GRIA2: variants seen among roughly 807,000 people sequenced by gnomAD.
The protein encoded by GRIA2 is glutamate ionotropic receptor AMPA type subunit 2, also known as glutamate receptor 2.
A neutral mutation model predicts 97.3 loss-of-function variants in GRIA2; 14 were observed. The ratio of observed to expected loss-of-function variants is 0.14; its 90% confidence interval spans 0.10 to 0.23. The LOEUF (loss-of-function observed/expected upper bound fraction) is 0.23, where lower values mean the gene tolerates loss of function less well. GRIA2 is among the 10% of genes least tolerant of loss of function. The pLI, the probability that GRIA2 is intolerant of heterozygous loss-of-function variation, is 1.00. For missense variants in GRIA2, 558 were observed against 1,069.8 expected (o/e 0.52, Z 6.67); for synonymous variants, 412 against 387.8 (o/e 1.06, Z -0.73).
At chr4:157,332,676 G>T in intron 6 of GRIA2, 143 bp from the exon 7 acceptor site, 1 of 588,346 alleles carries the variant, frequency 1.7e-6, no homozygotes, top group East Asian at 2.8e-5. Context: ...TCGATTCTTA[G>T]GTTTCTAGAT....
At chr4:157,255,040 A>T (rs962943653) in intron 2 of GRIA2, among the ~76,000 whole-genome samples, 2 of 152,006 alleles carry the variant, frequency 1.3e-5, no homozygotes, top group East Asian at 3.9e-4. Flanking sequence ...AATAGTGTAC[A>T]TTGTACCTAA....
chr4:157,226,450 C>T (rs940896622), intron 2 of GRIA2, among the ~76,000 whole-genome samples: 1 of 151,982 alleles, frequency 6.6e-6, no homozygotes, highest in Non-Finnish European at 1.5e-5. Context: ...AAGATAAAGA[C>T]TGTTAGAATA....
At chr4:157,307,144 T>C (rs1044210168) in intron 3 of GRIA2, among the ~76,000 whole-genome samples, 3 of 152,198 alleles carry the variant, frequency 2.0e-5, no homozygotes, top group Non-Finnish European at 4.4e-5. Context: ...TGGAATAGCA[T>C]AGGGTCCAAA....
intron 12 of GRIA2, chr4:157,342,559 G>T (rs1274598027): frequency 1.9e-5 from 8 of 412,134 alleles, no homozygotes; most frequent in African/African-American, 2.2e-5. Flanking sequence ...TTGTAATGTA[G>T]ATTTCTTACT....
chr4:157,305,587 G>T lies in GRIA2; in HGVS notation c.469+1796G>T, dbSNP rs190506541. On this transcript the variant is annotated intron_variant, in intron 3 of 15. Transcript: ENST00000264426. ...TCTGCTGTCTTGCTCACTCATTAAA[G>T]GTAAATCCATTTGACCTTCTTTCAC... Among the ~76,000 whole-genome samples the T allele has an allele frequency of 5.6e-3, 856 of 152,086 alleles. 6 individuals carry two copies. The highest frequency in any genetic ancestry group is 0.01 in the Admixed American group (155 of 15,270).
At chr4:157,313,097 C>G (rs1465463089) in intron 4 of GRIA2, among the ~76,000 whole-genome samples, 1 of 152,078 alleles carries the variant, frequency 6.6e-6, no homozygotes, top group Non-Finnish European at 1.5e-5. Context: ...TAAATAAATT[C>G]AATAAATAAT....
chr4:157,318,996 A>G (rs1334139066), intron 5 of GRIA2, among the ~76,000 whole-genome samples: 1 of 152,208 alleles, frequency 6.6e-6, no homozygotes, highest in Admixed American at 6.5e-5. Context: ...AGTTGAAGGA[A>G]TTTAGAATAT....
chr4:157,228,013 A>G (rs1316377366), intron 2 of GRIA2, among the ~76,000 whole-genome samples: 2 of 152,222 alleles, frequency 1.3e-5, no homozygotes, highest in African/African-American at 4.8e-5. Context: ...AGTGCTATTC[A>G]ATTTAAAAGT....
intron 2 of GRIA2, among the ~76,000 whole-genome samples, chr4:157,237,984 CAT>C (rs2126709306): frequency 6.6e-6 from 1 of 152,122 alleles, no homozygotes; most frequent in South Asian, 2.1e-4. Flanking sequence ...TGTAACAATC[CAT>C]ATGTGTTCAC....
At chr4:157,296,753 T>C (rs1482846719) in intron 2 of GRIA2, among the ~76,000 whole-genome samples, 3 of 152,140 alleles carry the variant, frequency 2.0e-5, no homozygotes, top group South Asian at 2.1e-4. Flanking sequence ...ATTCAGTTGA[T>C]GGCAAGCAAG....
chr4:157,247,386 A>C (rs1452384896), intron 2 of GRIA2, among the ~76,000 whole-genome samples: 3 of 152,158 alleles, frequency 2.0e-5, no homozygotes, highest in African/African-American at 4.8e-5. Flanking sequence ...TATTTTGTGT[A>C]AATGTGGGGG....
At chr4:157,320,571 C>T (rs1007319992) in intron 5 of GRIA2, among the ~76,000 whole-genome samples, 7 of 152,042 alleles carry the variant, frequency 4.6e-5, no homozygotes, top group Non-Finnish European at 8.8e-5. Context: ...TAATTACCTT[C>T]TCCTTCAGCT....
chr4:157,319,160 T>G (rs1734447530), intron 5 of GRIA2, among the ~76,000 whole-genome samples: 3 of 152,154 alleles, frequency 2.0e-5, no homozygotes, highest in Non-Finnish European at 2.9e-5. Context: ...TTAAACTAGA[T>G]GAAGCTCTGT....
At chr4:157,330,342 G>A (rs1436225916) in intron 6 of GRIA2, among the ~76,000 whole-genome samples, 1 of 151,882 alleles carries the variant, frequency 6.6e-6, no homozygotes, top group Non-Finnish European at 1.5e-5. Context: ...CCATTCATGG[G>A]AAATATCGTC....
At chr4:157,321,411 C>T (rs764637040) in intron 5 of GRIA2, 27 bp from the exon 6 acceptor site, 93 of 1,547,496 alleles carry the variant, frequency 6.0e-5, no homozygotes, top group Non-Finnish European at 7.1e-5. Flanking sequence ...AAACAAAAAG[C>T]GTGATATCAA....
At chr4:157,310,272 C>G (rs115918940) in intron 3 of GRIA2, among the ~76,000 whole-genome samples, 1 of 152,110 alleles carries the variant, frequency 6.6e-6, no homozygotes, top group Admixed American at 6.6e-5. Flanking sequence ...TACATTATCC[C>G]TTGAGAAATT....
intron 2 of GRIA2, among the ~76,000 whole-genome samples, chr4:157,227,122 G>C (rs900867962): frequency 1.3e-5 from 2 of 152,248 alleles, no homozygotes; most frequent in African/African-American, 4.8e-5. Context: ...TGAAACTATA[G>C]AGGCTTAAAT....
chr4:157,356,951 A>G (rs1736410424), intron 12 of GRIA2, among the ~76,000 whole-genome samples: 1 of 152,142 alleles, frequency 6.6e-6, no homozygotes, highest in Non-Finnish European at 1.5e-5. Flanking sequence ...TGGCAAAAAC[A>G]GCAATTACTT....
chr4:157,238,226 T>C lies in GRIA2; in HGVS notation c.229+16419T>C, dbSNP rs370134820. On this transcript the variant is annotated intron_variant, in intron 2 of 15. Transcript: ENST00000264426. Reference sequence around the variant, plus strand: ...CTAGAAAGTTACTTGCGTCAAGATATACTTTCAGCCTGCCTTATGGTGCAT... The same window carrying C: ...CTAGAAAGTTACTTGCGTCAAGATACACTTTCAGCCTGCCTTATGGTGCAT... 2.1e-3 allele frequency among the ~76,000 whole-genome samples: 320 copies of C among 152,296 alleles called. 13 individuals carry two copies. The South Asian group carries it at 0.064, about 30-fold the overall frequency.
Sources: allele counts gnomAD v4.1 joint callset (sites outside exome capture counted in the v4.1 genomes callset), GRCh38; gene constraint gnomAD v4.1.1; transcripts MANE v1.5; gene names NCBI Gene and HGNC (gene_info 2026-07-23, HGNC 2026-07-21).